Variants in INSL6 observed in about 807,000 individuals in gnomAD.
INSL6 encodes insulin like 6, also known as insulin-like peptide INSL6.
A neutral mutation model predicts 9.4 loss-of-function variants in INSL6; 16 were observed. That is an observed-to-expected ratio of 1.70 (90% CI 1.15 to 2.59). The LOEUF (loss-of-function observed/expected upper bound fraction) is 2.59, where lower values mean the gene tolerates loss of function less well. Ranked by LOEUF, INSL6 falls within the 30% of genes most tolerant of loss-of-function variation. The probability of loss-of-function intolerance (pLI) is 0.00; values close to 1 mark genes in which losing one functional copy is unlikely to be tolerated. For missense variants in INSL6, 391 were observed against 257.3 expected (o/e 1.52, Z -3.56); for synonymous variants, 154 against 96.9 (o/e 1.59, Z -3.46).
At chr9:5,006,682 C>G in the INSL6 span, among the ~76,000 whole-genome samples, 1 of 152,124 alleles carries the variant, frequency 6.6e-6, no homozygotes, top group South Asian at 2.1e-4. Context: ...ATAACCAGAT[C>G]TCATGCAAAC....
intron 1 of INSL6, among the ~76,000 whole-genome samples, chr9:5,172,603 C>G (rs367568089): frequency 1.3e-4 from 20 of 152,124 alleles, no homozygotes; most frequent in East Asian, 5.8e-4. Flanking sequence ...GGAACTTAAA[C>G]AAATTTACAA....
At chr9:5,049,839 C>A in the INSL6 span, among the ~76,000 whole-genome samples, 1 of 152,168 alleles carries the variant, frequency 6.6e-6, no homozygotes, top group African/African-American at 2.4e-5. Context: ...CTCTAGGCTA[C>A]AAACTTATAT....
At chr9:5,026,570 T>A in the INSL6 span, among the ~76,000 whole-genome samples, 1 of 152,206 alleles carries the variant, frequency 6.6e-6, no homozygotes, top group South Asian at 2.1e-4. Context: ...GCCTTATGTT[T>A]TAAATATATA....
At chr9:5,004,195 G>T in the INSL6 span, among the ~76,000 whole-genome samples, 1 of 152,026 alleles carries the variant, frequency 6.6e-6, no homozygotes, top group African/African-American at 2.4e-5. Context: ...ATTGTTATTG[G>T]TAATCACCAT....
chr9:5,167,587 T>C (rs1825083768), intron 1 of INSL6, among the ~76,000 whole-genome samples: 1 of 152,140 alleles, frequency 6.6e-6, no homozygotes, highest in Admixed American at 6.5e-5. Context: ...ACATCCCCAG[T>C]GGAGGGTTTA....
chr9:5,169,724 G>T (rs1385678612), intron 1 of INSL6, among the ~76,000 whole-genome samples: 1 of 152,170 alleles, frequency 6.6e-6, no homozygotes, highest in Admixed American at 6.5e-5. Context: ...TGCAATCCTA[G>T]TTTCTGACAA....
the INSL6 span, among the ~76,000 whole-genome samples, chr9:5,034,821 A>C: frequency 1.2e-3 from 183 of 152,338 alleles, no homozygotes; most frequent in African/African-American, 3.5e-3. Context: ...ATCACAATTA[A>C]AAGAACTAGA....
At chr9:5,108,459 A>G in the INSL6 span, 1 of 152,102 alleles carries the variant, frequency 6.6e-6, no homozygotes, top group African/African-American at 2.4e-5. Flanking sequence ...GCTAGTAATG[A>G]TATTTACTGA....
intron 1 of INSL6, among the ~76,000 whole-genome samples, chr9:5,174,673 C>T (rs12337873): frequency 0.023 from 3,500 of 152,234 alleles, 119 homozygotes; most frequent in African/African-American, 0.074. Flanking sequence ...TATCTACCTA[C>T]GACTTCTGAA....
At chr9:5,081,596 T>C in the INSL6 span, 7 of 629,652 alleles carry the variant, frequency 1.1e-5, no homozygotes, top group Middle Eastern at 3.8e-4. Flanking sequence ...TAATTGAAAC[T>C]ATTTGAGTTT....
At chr9:5,110,076 A>T in the INSL6 span, 2 of 152,246 alleles carry the variant, frequency 1.3e-5, no homozygotes, top group East Asian at 3.9e-4. Context: ...ATTCATTCTA[A>T]ACCCTACCTC....
At chr9:5,150,615 A>AT (rs775473790) in intron 2 of INSL6, among the ~76,000 whole-genome samples, 2 of 152,128 alleles carry the variant, frequency 1.3e-5, no homozygotes, top group Non-Finnish European at 2.9e-5. Flanking sequence ...AACACTTATT[A>AT]TTTTGGAATG....
At chr9:5,122,431 T>G (rs1382973355), downstream of INSL6, among the ~76,000 whole-genome samples, 1 of 152,128 alleles carries the variant, frequency 6.6e-6, no homozygotes, top group African/African-American at 2.4e-5. Context: ...TTCTCCAGCA[T>G]ATTTATATGG....
At chr9:5,119,010 T>C (rs1484113789), downstream of INSL6, among the ~76,000 whole-genome samples, 2 of 152,200 alleles carry the variant, frequency 1.3e-5, no homozygotes, top group Non-Finnish European at 2.9e-5. Flanking sequence ...TTTAAACTAA[T>C]ACATTCAGAA....
the INSL6 span, among the ~76,000 whole-genome samples, chr9:5,019,540 T>G: frequency 6.6e-6 from 1 of 152,186 alleles, no homozygotes; most frequent in Non-Finnish European, 1.5e-5. Context: ...ATGAATTTCT[T>G]TTGCATTGGA....
the INSL6 span, chr9:5,041,104 G>T: frequency 2.3e-3 from 1,745 of 770,114 alleles, 25 homozygotes; most frequent in African/African-American, 0.026. Context: ...GGACCTGTTC[G>T]ACCTTCACGC....
At chr9:5,049,128 TG>T in the INSL6 span, among the ~76,000 whole-genome samples, 1 of 152,222 alleles carries the variant, frequency 6.6e-6, no homozygotes, top group Non-Finnish European at 1.5e-5. Flanking sequence ...TTCTGTTTCC[TG>T]GATCAGATCC....
At position 5,172,188 on chromosome 9, in the gene INSL6, A is replaced by T. The variant is rs139739810; in HGVS notation, c.290-7923T>A. On this transcript the variant is annotated intron_variant, in intron 1 of 1. Transcript: ENST00000381641. ...CCAGAACTCAGAAATAAGACCGCAC[A>T]TCTATGACCATCTGATCTTGGACAA... Among the ~76,000 whole-genome samples, 13 of 152,314 alleles carry T rather than the reference A, an allele frequency of 8.5e-5. No homozygotes were observed. In the East Asian group the frequency reaches 2.3e-3, roughly 27 times the overall value.
At chr9:5,115,925 G>A in the INSL6 span, among the ~76,000 whole-genome samples, 1 of 152,138 alleles carries the variant, frequency 6.6e-6, no homozygotes, top group Admixed American at 6.5e-5. Context: ...AGGGCTAGGG[G>A]AGGGATAGCT....
Sources: gnomAD v4.1 joint callset for allele counts (sites outside exome capture counted in the v4.1 genomes callset) on GRCh38, gnomAD v4.1.1 for gene constraint, MANE v1.5 for transcripts, NCBI Gene and HGNC (gene_info 2026-07-23, HGNC 2026-07-21) for gene names.